The following ANTXR2 variants were observed in gnomAD, a reference collection of about 807,000 sequenced individuals.
ANTXR2 encodes anthrax toxin receptor 2.
ANTXR2 carries 44 observed loss-of-function variants against 73.7 expected under a neutral mutation model. The observed-to-expected ratio is 0.60, with a 90% CI of 0.47 to 0.77. The LOEUF (loss-of-function observed/expected upper bound fraction) is 0.77. ANTXR2 is among the 30% of genes least tolerant of loss of function. The pLI is 0.00. For synonymous variants in ANTXR2, 217 were observed against 205.9 expected, an observed-to-expected ratio of 1.05 and a Z score of -0.46; for missense variants, 604 against 592.5, an observed-to-expected ratio of 1.02 and a Z score of -0.20.
intron 7 of ANTXR2, among the ~76,000 whole-genome samples, chr4:80,051,407 A>G (rs1176435571): frequency 1.3e-5 from 2 of 151,804 alleles, no homozygotes; most frequent in African/African-American, 4.8e-5. Context: ...ATGCCTTAAG[A>G]ATAGTAAGGG....
intron 16 of ANTXR2, among the ~76,000 whole-genome samples, chr4:79,932,270 T>C (rs1011408553): frequency 6.6e-6 from 1 of 152,156 alleles, no homozygotes; most frequent in African/African-American, 2.4e-5. Context: ...ACTGTTGATA[T>C]GTTATCCTGA....
intron 14 of ANTXR2, among the ~76,000 whole-genome samples, chr4:79,981,094 T>G (rs1729871410): frequency 6.6e-6 from 1 of 152,050 alleles, no homozygotes; most frequent in South Asian, 2.1e-4. Flanking sequence ...TAATGAGAAC[T>G]CCCCATCATC....
intron 7 of ANTXR2, among the ~76,000 whole-genome samples, chr4:80,037,734 A>G (rs1733044408): frequency 6.6e-6 from 1 of 152,174 alleles, no homozygotes; most frequent in East Asian, 1.9e-4. Flanking sequence ...AAATTTGGAC[A>G]TAATTCAGAT....
At chr4:79,963,017 A>T (rs528684224) in intron 16 of ANTXR2, among the ~76,000 whole-genome samples, 1 of 152,302 alleles carries the variant, frequency 6.6e-6, no homozygotes, top group South Asian at 2.1e-4. Flanking sequence ...ACACTTCGCA[A>T]CTGTGATGGG....
intron 12 of ANTXR2, among the ~76,000 whole-genome samples, chr4:79,986,251 G>A (rs1318465688): frequency 6.6e-6 from 1 of 152,132 alleles, no homozygotes; most frequent in Non-Finnish European, 1.5e-5. Flanking sequence ...ACAAATCAAA[G>A]TCTCTATACT....
intron 14 of ANTXR2, among the ~76,000 whole-genome samples, chr4:79,982,191 A>T (rs1729921120): frequency 6.6e-6 from 1 of 152,130 alleles, no homozygotes; most frequent in African/African-American, 2.4e-5. Flanking sequence ...CTTTATTATC[A>T]TGCCATATTT....
At chr4:79,955,952 G>A (rs530443505) in intron 16 of ANTXR2, among the ~76,000 whole-genome samples, 3 of 152,216 alleles carry the variant, frequency 2.0e-5, no homozygotes, top group South Asian at 4.2e-4. Context: ...AGTTTGAAAA[G>A]CAATGTGCAA....
At chr4:79,957,878 T>C (rs1316742124) in intron 16 of ANTXR2, among the ~76,000 whole-genome samples, 1 of 152,020 alleles carries the variant, frequency 6.6e-6, no homozygotes, top group Non-Finnish European at 1.5e-5. Context: ...GAAAACAAAA[T>C]TTTAAGAAAA....
chr4:80,058,889 G>A (rs1268789512), intron 3 of ANTXR2, among the ~76,000 whole-genome samples: 2 of 152,042 alleles, frequency 1.3e-5, no homozygotes, highest in East Asian at 3.9e-4. Context: ...CAGTTGTCAA[G>A]GATGCTGCTG....
chr4:79,919,133 A>T (rs930143706), intron 16 of ANTXR2, among the ~76,000 whole-genome samples: 1 of 152,160 alleles, frequency 6.6e-6, no homozygotes, highest in Non-Finnish European at 1.5e-5. Flanking sequence ...AAAAGAATGG[A>T]TATGGCAAAT....
rs63539261 is a variant in ANTXR2 at position 79,906,644 on chromosome 4, A to G, written c.*785T>C. The G allele has an allele frequency of 0.81, 123,280 of 152,154 alleles. 50,143 individuals are homozygous for G. The highest frequency in any genetic ancestry group is 1 in the East Asian group (5,170 of 5,172). 9.4% of individuals were successfully genotyped at this position (152,154 alleles called of 1,614,324 possible). On this transcript the variant is annotated 3_prime_UTR_variant, in exon 17 of 17. Transcript: ENST00000403729. Reference sequence around the variant, plus strand: ...CTAGTCACAGGGACAAGTTCGCAAAAAATGAGTCCCTTGCACTACACTCAA... The same window carrying G: ...CTAGTCACAGGGACAAGTTCGCAAAGAATGAGTCCCTTGCACTACACTCAA...
intron 9 of ANTXR2, 92 bp from the exon 10 acceptor site, chr4:80,031,784 T>G: frequency 1.5e-6 from 1 of 668,848 alleles, no homozygotes; most frequent in Admixed American, 4.3e-5. Context: ...CAATCAGAGT[T>G]CAAATGTGGA....
intron 14 of ANTXR2, among the ~76,000 whole-genome samples, chr4:79,979,380 T>C (rs1729787145): frequency 6.6e-6 from 1 of 151,632 alleles, no homozygotes; most frequent in Admixed American, 6.6e-5. Flanking sequence ...CTATGACACA[T>C]CAGAGTTAAG....
intron 7 of ANTXR2, among the ~76,000 whole-genome samples, chr4:80,053,523 A>G (rs768204057): frequency 6.6e-6 from 1 of 151,580 alleles, no homozygotes; most frequent in Non-Finnish European, 1.5e-5. Flanking sequence ...TCCCCTGAAG[A>G]TTTTTTTTCA....
At chr4:79,976,051 T>G (rs1445454332) in intron 16 of ANTXR2, among the ~76,000 whole-genome samples, 1 of 151,926 alleles carries the variant, frequency 6.6e-6, no homozygotes, top group Non-Finnish European at 1.5e-5. Context: ...TAGCTGGGAC[T>G]ACAGGCGCCC....
intron 1 of ANTXR2, 33 bp downstream of exon 1, chr4:80,072,376 C>T (rs1229781949): frequency 3.2e-6 from 5 of 1,555,802 alleles, no homozygotes; most frequent in Middle Eastern, 1.7e-4. Flanking sequence ...GCCGCCCTCA[C>T]CAGGAGACCC....
chr4:79,922,280 C>T (rs1009247946), intron 16 of ANTXR2, among the ~76,000 whole-genome samples: 1 of 152,050 alleles, frequency 6.6e-6, no homozygotes, highest in African/African-American at 2.4e-5. Context: ...CACTGTGACC[C>T]AGATGTGATT....
chr4:79,933,127 T>C (rs1417998504), intron 16 of ANTXR2, among the ~76,000 whole-genome samples: 4 of 152,182 alleles, frequency 2.6e-5, no homozygotes, highest in African/African-American at 7.2e-5. Flanking sequence ...CAGAGGACTG[T>C]TAAGTGGACT....
chr4:80,001,149 T>G (rs1731011943), intron 12 of ANTXR2, among the ~76,000 whole-genome samples: 1 of 144,740 alleles, frequency 6.9e-6, no homozygotes, highest in African/African-American at 2.4e-5. Flanking sequence ...TTGGTTTCAA[T>G]AGCCTTGGTA....
Sources: allele counts gnomAD v4.1 joint callset (sites outside exome capture counted in the v4.1 genomes callset), GRCh38; gene constraint gnomAD v4.1.1; transcripts MANE v1.5; gene names NCBI Gene and HGNC (gene_info 2026-07-23, HGNC 2026-07-21).